Variants in TTC4 observed in about 807,000 individuals in gnomAD.
TTC4 encodes the protein tetratricopeptide repeat domain 4, also known as hsp70/Hsp90 co-chaperone CNS1 homolog.
In TTC4, 36 loss-of-function variants were observed where a neutral mutation model predicts 51.9. The ratio of observed to expected loss-of-function variants is 0.69; its 90% confidence interval spans 0.53 to 0.92. The LOEUF (loss-of-function observed/expected upper bound fraction) is 0.92. Ranked by LOEUF, TTC4 falls within the 40% of genes least tolerant of loss-of-function variation. The pLI is 0.00. For synonymous variants in TTC4, 144 were observed against 164.2 expected (o/e 0.88, Z 0.94); for missense variants, 399 against 454.6 (o/e 0.88, Z 1.11).
intron 2 of TTC4, 91 bp downstream of exon 2, chr1:54,716,808 G>C: frequency 9.8e-7 from 1 of 1,016,724 alleles, no homozygotes; most frequent in Non-Finnish European, 1.4e-6. Context: ...ACAAGAAGTA[G>C]TTAGCCTGAG....
At chr1:54,736,179 A>G (rs1645931514) in intron 8 of TTC4, among the ~76,000 whole-genome samples, 1 of 22,290 alleles carries the variant, frequency 4.5e-5, no homozygotes, top group Non-Finnish European at 7.7e-5. Context: ...AAGAAAGGAG[A>G]GAGAGAGAGA....
intron 9 of TTC4, among the ~76,000 whole-genome samples, chr1:54,739,735 G>C (rs1019269690): frequency 6.6e-6 from 1 of 152,242 alleles, no homozygotes; most frequent in African/African-American, 2.4e-5. Flanking sequence ...CAATGTATTA[G>C]TGTAAAGAGA....
chr1:54,722,995 G>A (rs1645760888), intron 5 of TTC4, among the ~76,000 whole-genome samples, 196 bp downstream of exon 5: 1 of 152,232 alleles, frequency 6.6e-6, no homozygotes, highest in Admixed American at 6.5e-5. Flanking sequence ...TAGATGGTGT[G>A]TATAGTGGTA....
At chr1:54,731,131 G>C (rs1306922802) in intron 6 of TTC4, among the ~76,000 whole-genome samples, 1 of 152,196 alleles carries the variant, frequency 6.6e-6, no homozygotes, top group Non-Finnish European at 1.5e-5. Context: ...GGTGAGTTAA[G>C]TGGTACCTAC....
rs1407201260 is a variant in TTC4, at chr1:54,736,236, A to T, written c.979-1346A>T. On this transcript the variant is annotated intron_variant, in intron 8 of 9. Coordinates refer to ENST00000371281, the MANE Select transcript of TTC4 (RefSeq NM_004623.5). ...AGAGAGAGAGAGAAGAGGAGAGGAG[A>T]GAGAAGAGAGGAGAGAGGAGAGAGA... Among the ~76,000 whole-genome samples the T allele has an allele frequency of 2.0e-3, 243 of 119,296 alleles. 22 individuals carry two copies. The highest frequency in any genetic ancestry group is 9.6e-3 in the African/African-American group (218 of 22,668). The allele number at this position is 119,296 out of a possible 152,430, so 78.3% of individuals were successfully genotyped here.
intron 9 of TTC4, among the ~76,000 whole-genome samples, chr1:54,738,725 T>C (rs1645977414): frequency 6.7e-6 from 1 of 150,108 alleles, no homozygotes; most frequent in South Asian, 2.1e-4. Context: ...TGGTGCGATC[T>C]TGGCTCACTG....
intron 3 of TTC4, among the ~76,000 whole-genome samples, chr1:54,720,484 A>G (rs996139970): frequency 1.4e-5 from 2 of 144,500 alleles, no homozygotes; most frequent in Admixed American, 1.4e-4. Flanking sequence ...ATGTGTGTCT[A>G]GATATTTAGT....
At chr1:54,738,965 T>C (rs1645980628) in intron 9 of TTC4, among the ~76,000 whole-genome samples, 1 of 152,014 alleles carries the variant, frequency 6.6e-6, no homozygotes, top group African/African-American at 2.4e-5. Context: ...CCGGCCAGCC[T>C]TCCTTTTCCT....
chr1:54,719,136 G>C (rs1645712630), intron 3 of TTC4, among the ~76,000 whole-genome samples: 1 of 152,134 alleles, frequency 6.6e-6, no homozygotes, highest in Non-Finnish European at 1.5e-5. Flanking sequence ...TTGTCTGCTA[G>C]GGTAAACCTC....
chr1:54,741,543 T>G lies in TTC4; in HGVS notation c.*30T>G. ...GCCAGGGCCCCTGGATCTCCTCCCT[T>G]ACCCTCCTCTGCTGGGAACCTAGCA... On this transcript the variant is annotated 3_prime_UTR_variant, in exon 10 of 10. Coordinates refer to ENST00000371281, the MANE Select transcript of TTC4 (RefSeq NM_004623.5). 1 of 1,566,706 alleles carries G rather than the reference T, an allele frequency of 6.4e-7. No homozygotes were observed. Among genetic ancestry groups the G allele is most frequent in the Non-Finnish European group, 8.8e-7 (1 of 1,137,276 alleles).
intron 5 of TTC4, among the ~76,000 whole-genome samples, chr1:54,724,034 G>C (rs562733871): frequency 6.6e-5 from 10 of 152,260 alleles, no homozygotes; most frequent in African/African-American, 2.2e-4. Flanking sequence ...ATGTCTAGAG[G>C]GCTACTGGGG....
chr1:54,733,747 AT>A (rs371403281), intron 8 of TTC4, 37 bp downstream of exon 8: 19,560 of 790,230 alleles, frequency 0.025, 7 homozygotes, highest in African/African-American at 0.031. Context: ...TATGGAATTA[AT>A]TTTTTTTTTT....
Position 54,717,611 on chromosome 1 carries a change from G to A in TTC4, c.349G>A (p.Ala117Thr). ...KKKCADPDLNAVLYTNRAAAQ... is the reference protein window; with the variant it reads ...KKKCADPDLNTVLYTNRAAAQ... ...GAAATGTGCAGATCCTGATTTGAAT[G>A]CTGTCCTTTATACCAACCGGGCAGC... The change falls in exon 3 of 10, where the codon GCT (alanine) becomes ACT (threonine). Residue 117 changes from alanine to threonine, a missense_variant. Physicochemically the swap from Ala to Thr is moderately conservative, Grantham distance 58. This residue lies in a region of TTC4 where 316 missense variants were observed against 349.6 expected (regional missense o/e 0.90). Transcript: ENST00000371281. 1 of 1,611,050 alleles carries A rather than the reference G, an allele frequency of 6.2e-7. No homozygotes were observed. The highest frequency in any genetic ancestry group is 8.5e-7 in the Non-Finnish European group (1 of 1,178,926).
intron 3 of TTC4, among the ~76,000 whole-genome samples, chr1:54,718,529 G>T (rs1221772532): frequency 6.6e-6 from 1 of 152,084 alleles, no homozygotes; most frequent in East Asian, 1.9e-4. Context: ...TTACAGGTGT[G>T]AGCCACCGCA....
Position 54,717,639 on chromosome 1 carries a change from C to A in TTC4, c.377C>A (p.Ala126Glu). The A allele has an allele frequency of 6.3e-7, 1 of 1,593,356 alleles. No individual in the cohort carries two copies. The highest frequency in any genetic ancestry group is 1.2e-5 in the South Asian group (1 of 86,308). Residue 126 changes from alanine to glutamate, a missense_variant, in exon 3 of 10, where the codon GCA becomes GAA. Coordinates refer to ENST00000371281, the MANE Select transcript of TTC4 (RefSeq NM_004623.5). ...NAVLYTNRAAAQYYLGNFRSA... is the reference protein window; with the variant it reads ...NAVLYTNRAAEQYYLGNFRSA... ...GTCCTTTATACCAACCGGGCAGCAG[C>A]ACAGTACTATCTGGGTAATTTATAA...
In TTC4 at chr1:54,741,436, G is replaced by A. The variant is rs746618716; in HGVS notation, c.1087G>A (p.Ala363Thr). 6.2e-7 allele frequency: 1 copy of A among 1,614,048 alleles called. No individual in the cohort carries two copies. Among genetic ancestry groups the A allele is most frequent in the East Asian group, 2.2e-5 (1 of 44,894 alleles). The change falls in exon 10 of 10, where the codon GCA becomes ACA. Residue 363 changes from alanine to threonine, a missense_variant. Around this residue, in one of 3 missense-constraint regions of TTC4, gnomAD observed 64 missense variants for 61.3 expected, o/e 1.04. Transcript: ENST00000371281. ...QRYFVKALTP[A>T]FLVCVGSSPF... ...GTACTTTGTAAAAGCCCTGACACCA[G>A]CATTTTTGGTCTGTGTAGGATCCTC... is the stretch of plus-strand genomic sequence containing the variant.
At chr1:54,738,303 G>A (rs949448324) in intron 9 of TTC4, among the ~76,000 whole-genome samples, 3 of 152,064 alleles carry the variant, frequency 2.0e-5, no homozygotes, top group African/African-American at 7.2e-5. Flanking sequence ...ATCTCCCACC[G>A]GGTCCCTCCC....
At chr1:54,727,173 G>C (rs532743133) in intron 5 of TTC4, among the ~76,000 whole-genome samples, 1 of 152,146 alleles carries the variant, frequency 6.6e-6, no homozygotes, top group East Asian at 1.9e-4. Context: ...ATAGGTCAAT[G>C]TAATAAAATT....
At position 54,725,598 on chromosome 1, in the gene TTC4, G is replaced by A. The variant is rs1645790425; in HGVS notation, c.595-2748G>A. On this transcript the variant is annotated intron_variant, in intron 5 of 9. Coordinates refer to ENST00000371281, the MANE Select transcript of TTC4 (RefSeq NM_004623.5). Reference sequence around the variant, plus strand: ...CATGTACACAAAGCCTCTTGACAAAGATTGGAAGACTTACTGTCTGGTCAT... The same window carrying A: ...CATGTACACAAAGCCTCTTGACAAAAATTGGAAGACTTACTGTCTGGTCAT... 2.0e-5 allele frequency among the ~76,000 whole-genome samples: 3 copies of A among 152,206 alleles called. No homozygotes were observed. The South Asian group carries it at 6.2e-4, about 31-fold the overall frequency.
Sources: allele counts gnomAD v4.1 joint callset (sites outside exome capture counted in the v4.1 genomes callset), GRCh38; gene constraint gnomAD v4.1.1; regional missense constraint gnomAD v4.1.1; transcripts MANE v1.5; gene names NCBI Gene and HGNC (gene_info 2026-07-23, HGNC 2026-07-21).